Variants in CFAP46 observed in about 807,000 individuals in gnomAD.
CFAP46 encodes the protein cilia and flagella associated protein 46.
Under a neutral mutation model 325.7 loss-of-function variants are expected in CFAP46, and 245 were observed. The observed-to-expected ratio is 0.75, with a 90% CI of 0.68 to 0.84. CFAP46 has a LOEUF of 0.84. CFAP46 is among the 40% of genes least tolerant of loss of function. The probability of loss-of-function intolerance (pLI) is 0.00; values close to 1 mark genes in which losing one functional copy is unlikely to be tolerated. For synonymous variants in CFAP46, 1,523 were observed against 1,495.9 expected (o/e 1.02, Z -0.42); for missense variants, 3,346 against 3,543.0 (o/e 0.94, Z 1.41).
intron 27 of CFAP46, among the ~76,000 whole-genome samples, chr10:132,883,303 T>A (rs984045910): frequency 1.3e-5 from 2 of 151,964 alleles, no homozygotes; most frequent in African/African-American, 4.8e-5. Flanking sequence ...CCAACCAGAT[T>A]AAAAATGGGC....
At position 132,817,228 on chromosome 10, in the gene CFAP46, C is replaced by T. The variant is rs1415777565; in HGVS notation, c.7118-2314G>A. On this transcript the variant is annotated intron_variant, in intron 50 of 57. Coordinates refer to ENST00000368586, the MANE Select transcript of CFAP46 (RefSeq NM_001200049.3). This position sits in a 1 kb window ranked among gnomAD's most constrained non-coding sequence, Gnocchi z 4.4. ...TTTCGATTCTCATGATGTCCATGTC[C>T]CTAATAATGCCTGGCTCTAAAGTCT... is the stretch of plus-strand genomic sequence containing the variant. Among the ~76,000 whole-genome samples, 1 of 152,174 alleles carries T rather than the reference C, an allele frequency of 6.6e-6. No individual in the cohort carries two copies. The highest frequency in any genetic ancestry group is 1.5e-5 in the Non-Finnish European group (1 of 68,046).
rs760859032 is a variant in CFAP46, at chr10:132,814,709, A to C, written c.7226T>G (p.Ile2409Arg). The C allele has an allele frequency of 1.2e-6, 2 of 1,611,624 alleles. No individual in the cohort carries two copies. Among genetic ancestry groups the C allele is most frequent in the East Asian group, 2.2e-5 (1 of 44,860 alleles). ...IPRTIPPDCI[I>R]VDSDNFKFVV... ...ACACTTGAAGTTGTCTGAGTCGACTATGATGCAGTCAGGGGGGATGGTCCG... is the reference window on the plus strand; with the variant it reads ...ACACTTGAAGTTGTCTGAGTCGACTCTGATGCAGTCAGGGGGGATGGTCCG... Residue 2409 changes from isoleucine (I) to arginine (R), a missense_variant, in exon 52 of 58, where the codon ATA becomes AGA. Transcript: ENST00000368586.
Position 132,858,924 on chromosome 10 carries a change from C to T in CFAP46, c.5375+147G>A, listed in dbSNP as rs1848686124. ...TGATCAGAACGTGTGGGTGAGGCGG[C>T]AGCCGAGAGCTTCCCAGGGGAGGGT... On this transcript the variant is annotated intron_variant, in intron 38 of 57. Transcript: ENST00000368586. 3.8e-6 allele frequency: 3 copies of T among 788,014 alleles called. No homozygotes were observed. In the East Asian group the frequency reaches 8.3e-5, roughly 22 times the overall value. The allele number at this position is 788,014 out of a possible 1,614,324, so 48.8% of individuals were successfully genotyped here. A position where few individuals can be genotyped will look rare whatever the true frequency, so the allele number is the denominator to read the frequency against.
At position 132,808,654 on chromosome 10, in the gene CFAP46, G is replaced by A. The variant is rs1248295248; in HGVS notation, c.7915C>T (p.Leu2639Phe). The change falls in exon 58 of 58, where the codon CTC (leucine) becomes TTC (phenylalanine). Residue 2639 changes from leucine (L) to phenylalanine (F), a missense_variant. By Grantham distance (22) the Leu-to-Phe change is conservative. Transcript: ENST00000368586. This position sits in a 1 kb window ranked among gnomAD's most constrained non-coding sequence, Gnocchi z 6.8. ...SSQLALPFLG[L>F]SPALGAASAR... Reference sequence around the variant, plus strand: ...GAGGCTGCACCAAGGGCTGGGGAGAGGCCCAGGAAGGGGAGAGCGAGCTGG... The same window carrying A: ...GAGGCTGCACCAAGGGCTGGGGAGAAGCCCAGGAAGGGGAGAGCGAGCTGG... 6.3e-7 allele frequency: 1 copy of A among 1,595,628 alleles called. No homozygotes were observed. The highest frequency in any genetic ancestry group is 8.5e-7 in the Non-Finnish European group (1 of 1,170,890).
chr10:132,941,765 G>T, intron 2 of CFAP46, 43 bp from the exon 3 acceptor site: 1 of 1,611,130 alleles, frequency 6.2e-7, no homozygotes, highest in Non-Finnish European at 8.5e-7. Flanking sequence ...ACCCGGAGGG[G>T]TGGCCTCCCT....
Position 132,860,927 on chromosome 10 carries a change from G to A in CFAP46, c.4946C>T (p.Ala1649Val). The A allele has an allele frequency of 1.3e-6, 2 of 1,550,650 alleles. No individual in the cohort carries two copies. The highest frequency in any genetic ancestry group is 1.7e-6 in the Non-Finnish European group (2 of 1,147,020). ...AQCLLLLAQL[A>V]NKEKNYGQAK... is the part of the protein sequence containing the mutation. ...TTGTCCATAGTTTTTCTCCTTGTTG[G>A]CCAACTGTGCGAGGAGGAGCAGGCA... The change falls in exon 36 of 58, where the codon GCC becomes GTC. Residue 1649 changes from alanine (A) to valine (V), a missense_variant. Ala to Val is a moderately conservative substitution (Grantham distance 64). Transcript: ENST00000368586.
intron 24 of CFAP46, among the ~76,000 whole-genome samples, chr10:132,894,454 G>C (rs1027206180): frequency 6.6e-6 from 1 of 152,176 alleles, no homozygotes; most frequent in East Asian, 1.9e-4. Flanking sequence ...AACACTAGCA[G>C]AAGGAAGGAA....
chr10:132,845,147 T>A (rs1441611677), intron 44 of CFAP46, among the ~76,000 whole-genome samples: 2 of 152,210 alleles, frequency 1.3e-5, no homozygotes, highest in African/African-American at 4.8e-5. Flanking sequence ...GCCATGTGCA[T>A]CAGCATCTTC....
chr10:132,826,823 AC>A (rs1421242325), intron 50 of CFAP46, among the ~76,000 whole-genome samples: 1 of 152,142 alleles, frequency 6.6e-6, no homozygotes, highest in African/African-American at 2.4e-5. Context: ...AATAACAGGC[AC>A]CCCAGGCTGC....
rs774029915 is a variant in CFAP46, at chr10:132,913,207, G to C, written c.2172C>G (p.Ser724=). The change falls in exon 18 of 58, where the codon TCC becomes TCG. Residue 724 remains serine (S), a synonymous_variant. Coordinates refer to ENST00000368586, the MANE Select transcript of CFAP46 (RefSeq NM_001200049.3). ...SRCAMNNWLR[S]AEIGQEIQEA... ...CCTGGATCTCCTGTCCGATCTCTGC[G>C]GAGCGCAGCCAGTTATTCATGGCAC... The C allele has an allele frequency of 3.2e-6, 5 of 1,550,346 alleles. No homozygotes were observed. The highest frequency in any genetic ancestry group is 4.4e-6 in the Non-Finnish European group (5 of 1,147,000).
At chr10:132,911,887 C>G (rs1265697617) in intron 19 of CFAP46, among the ~76,000 whole-genome samples, 2 of 152,126 alleles carry the variant, frequency 1.3e-5, no homozygotes, top group East Asian at 3.9e-4. Context: ...GGGGAGGCCT[C>G]ACACCCACCC....
At chr10:132,896,056 T>C (rs1849314921) in intron 24 of CFAP46, among the ~76,000 whole-genome samples, 1 of 138,018 alleles carries the variant, frequency 7.2e-6, no homozygotes, top group Non-Finnish European at 1.6e-5. Context: ...AGGCTCTGTG[T>C]GCCACATGAA....
chr10:132,868,334 T>G lies in CFAP46; in HGVS notation c.4611-827A>C, dbSNP rs570415423. Among the ~76,000 whole-genome samples the G allele has an allele frequency of 2.6e-5, 4 of 152,336 alleles. No individual in the cohort carries two copies. In the East Asian group the frequency reaches 7.7e-4, roughly 29 times the overall value. On this transcript the variant is annotated intron_variant, in intron 33 of 57. Transcript: ENST00000368586. The stretch of plus-strand genomic sequence containing the variant: ...CCTATGGCCTCCACAACTCCTTTGC[T>G]CCAAAGTTATTTTAGGGCTGTGAGG...
intron 17 of CFAP46, among the ~76,000 whole-genome samples, chr10:132,913,487 G>C (rs922978195): frequency 6.6e-6 from 1 of 152,158 alleles, no homozygotes; most frequent in African/African-American, 2.4e-5. Flanking sequence ...TCACAGGAGC[G>C]CGAACCCTAT....
rs1255726577 is a variant in CFAP46 at position 132,916,529 on chromosome 10, C to A, written c.2120+20G>T. On this transcript the variant is annotated intron_variant, in intron 17 of 57. Transcript: ENST00000368586. ...CCACGGCCCCGGGCGGTGCTCAAGG[C>A]CACTGTCGCCTCTGCCCACCTGTAT... The A allele has an allele frequency of 1.9e-5, 29 of 1,544,270 alleles. No individual in the cohort carries two copies. Among genetic ancestry groups the A allele is most frequent in the Non-Finnish European group, 2.5e-5 (29 of 1,143,990 alleles).
chr10:132,821,407 T>G (rs1217742683), intron 50 of CFAP46, among the ~76,000 whole-genome samples: 1 of 134,556 alleles, frequency 7.4e-6, no homozygotes, highest in East Asian at 2.3e-4. Context: ...GTGTGTGCTG[T>G]GTGCTGTGTG....
intron 24 of CFAP46, among the ~76,000 whole-genome samples, chr10:132,896,030 C>T (rs4311983): frequency 0.011 from 450 of 42,740 alleles, 7 homozygotes; most frequent in African/African-American, 0.037. Flanking sequence ...CATGAAGACA[C>T]GGTGAGAAGG....
At chr10:132,854,641 TTC>T (rs1349837839) in intron 39 of CFAP46, among the ~76,000 whole-genome samples, 3 of 152,062 alleles carry the variant, frequency 2.0e-5, no homozygotes, top group Non-Finnish European at 2.9e-5. Flanking sequence ...CCGGCCAGCT[TTC>T]TGGTTTTTTT....
At position 132,913,133 on chromosome 10, in the gene CFAP46, T is replaced by A. The variant is rs1317147071; in HGVS notation, c.2246A>T (p.His749Leu). The change falls in exon 18 of 58, where the codon CAC (histidine) becomes CTC (leucine). Residue 749 changes from histidine (H) to leucine (L), a missense_variant. Physicochemically the swap from His to Leu is moderately conservative, Grantham distance 99. Transcript: ENST00000368586. ...CTGCCGCCCGGCCAGGATCAGGTGG[T>A]GGTTGTGGTTCAGGACGTAGACCAC... ...NAVVYVLNHN[H>L]HLILAGRQKE... is the part of the protein sequence containing the mutation. 2.6e-6 allele frequency: 4 copies of A among 1,550,190 alleles called. No individual in the cohort carries two copies. In the African/African-American group the frequency reaches 4.1e-5, roughly 16 times the overall value.
Sources: allele counts gnomAD v4.1 joint callset (sites outside exome capture counted in the v4.1 genomes callset), GRCh38; gene constraint gnomAD v4.1.1; non-coding constraint Gnocchi (gnomAD v3.1); transcripts MANE v1.5; gene names NCBI Gene and HGNC (gene_info 2026-07-23, HGNC 2026-07-21).